OR3A2: variants seen among roughly 807,000 people sequenced by gnomAD.
The protein encoded by OR3A2 is olfactory receptor family 3 subfamily A member 2.
For synonymous variants in OR3A2, 126 were observed against 159.3 expected (o/e 0.79, Z 1.57); for missense variants, 318 against 392.8 (o/e 0.81, Z 1.61).
chr17:3,286,908 A>C (rs905876434), upstream of OR3A2, among the ~76,000 whole-genome samples: 7 of 152,200 alleles, frequency 4.6e-5, no homozygotes, highest in African/African-American at 1.7e-4. Context: ...TGCTGTGCAG[A>C]AGCTCTTTCA....
At chr17:3,326,556 T>G (rs547259599) in intron 3 of OR3A2, among the ~76,000 whole-genome samples, 2 of 145,438 alleles carry the variant, frequency 1.4e-5, no homozygotes, top group African/African-American at 5.4e-5. Context: ...TTTTTTTTCT[T>G]CTTTTTTTTA....
At chr17:3,331,490 C>G (rs1471120146) in intron 3 of OR3A2, among the ~76,000 whole-genome samples, 2 of 151,836 alleles carry the variant, frequency 1.3e-5, no homozygotes, top group Non-Finnish European at 2.9e-5. Context: ...GATACCCTTT[C>G]TTCCAGTTGA....
chr17:3,342,111 C>A (rs1277204568), intron 2 of OR3A2, among the ~76,000 whole-genome samples: 1 of 152,102 alleles, frequency 6.6e-6, no homozygotes, highest in Non-Finnish European at 1.5e-5. Flanking sequence ...GTTTTCAGCT[C>A]CATCAGGTCA....
At chr17:3,279,010 GC>G in intron 1 of OR3A2, 65 bp downstream of exon 4, 1 of 1,549,778 alleles carries the variant, frequency 6.5e-7, no homozygotes, top group Non-Finnish European at 8.7e-7. Context: ...TATGTTCAAA[GC>G]CCCGTGGCGA....
Position 3,357,863 on chromosome 17 carries a change from T to C in OR3A2, c.-178-21737A>G, listed in dbSNP as rs1042858512. 3.3e-5 allele frequency among the ~76,000 whole-genome samples: 4 copies of C among 122,318 alleles called. 1 individual carries two copies. Among genetic ancestry groups the C allele is most frequent in the African/African-American group, 1.2e-4 (4 of 34,000 alleles). 80.2% of individuals were successfully genotyped at this position (122,318 alleles called of 152,430 possible). The stretch of plus-strand genomic sequence containing the variant: ...GCTGCCACTGCTGGGAAAAATGGTG[T>C]ATTTTATGTTATGTATGTTTTACCA... On this transcript the variant is annotated intron_variant, in intron 2 of 4. Coordinates refer to the OR3A2 transcript ENST00000573491.
chr17:3,284,015 C>T (rs2048792565), intron 1 of OR3A2, among the ~76,000 whole-genome samples: 1 of 147,106 alleles, frequency 6.8e-6, no homozygotes, highest in South Asian at 2.2e-4. Flanking sequence ...CAGCTCCCTG[C>T]TCTGGAACTC....
intron 2 of OR3A2, among the ~76,000 whole-genome samples, chr17:3,338,213 C>G (rs1293148013): frequency 1.3e-5 from 2 of 152,240 alleles, no homozygotes; most frequent in Admixed American, 1.3e-4. Context: ...TTCTCCCATT[C>G]TGTAGGTTGC....
intron 3 of OR3A2, among the ~76,000 whole-genome samples, chr17:3,335,675 C>T (rs2049270821): frequency 6.6e-6 from 1 of 152,174 alleles, no homozygotes; most frequent in Non-Finnish European, 1.5e-5. Context: ...ACTTTACATA[C>T]ATTATCTCAT....
Position 3,361,280 on chromosome 17 carries a change from G to C in OR3A2, c.-179+22524C>G, listed in dbSNP as rs574943391. On this transcript the variant is annotated intron_variant, in intron 2 of 4. Transcript: ENST00000573491. Reference sequence around the variant, plus strand: ...CATTGATTTTGTATCCTGAGACTTTGCTGAAGTTGCTTATCAGCTTAAGGA... The same window carrying C: ...CATTGATTTTGTATCCTGAGACTTTCCTGAAGTTGCTTATCAGCTTAAGGA... Among the ~76,000 whole-genome samples, 2 of 151,278 alleles carry C rather than the reference G, an allele frequency of 1.3e-5. 1 individual carries two copies. Among genetic ancestry groups the C allele is most frequent in the African/African-American group, 4.9e-5 (2 of 40,642 alleles).
At chr17:3,385,731 C>T (rs2049771889) in intron 1 of OR3A2, among the ~76,000 whole-genome samples, 1 of 152,120 alleles carries the variant, frequency 6.6e-6, no homozygotes, top group Non-Finnish European at 1.5e-5. Flanking sequence ...TCTGAGATTC[C>T]GTTTCTTCAT....
At chr17:3,345,256 T>C (rs776498773) in intron 2 of OR3A2, among the ~76,000 whole-genome samples, 4 of 152,168 alleles carry the variant, frequency 2.6e-5, no homozygotes, top group Admixed American at 6.6e-5. Flanking sequence ...ATTCATCTAC[T>C]AATAGAGGTC....
chr17:3,278,506 G>T, exon 2 of OR3A2: 1 of 1,614,012 alleles, frequency 6.2e-7, no homozygotes, highest in Non-Finnish European at 8.5e-7. Flanking sequence ...TGACTCATGC[G>T]GGTGCTGTAG....
intron 3 of OR3A2, among the ~76,000 whole-genome samples, chr17:3,300,851 C>G (rs369519293): frequency 7.1e-6 from 1 of 140,396 alleles, no homozygotes; most frequent in Non-Finnish European, 1.5e-5. Context: ...CTCCCCCCAT[C>G]CCACGACAGG....
chr17:3,321,032 C>G (rs539975832), intron 3 of OR3A2, among the ~76,000 whole-genome samples: 36 of 152,142 alleles, frequency 2.4e-4, no homozygotes, highest in African/African-American at 6.5e-4. Flanking sequence ...GTTTCCATTT[C>G]TTTGTATCCT....
At chr17:3,365,318 C>T (rs1038187043) in intron 2 of OR3A2, among the ~76,000 whole-genome samples, 2 of 152,142 alleles carry the variant, frequency 1.3e-5, no homozygotes, top group Non-Finnish European at 2.9e-5. Context: ...ATAATCTGAT[C>T]TGGTGACCCA....
intron 2 of OR3A2, among the ~76,000 whole-genome samples, chr17:3,346,575 G>C (rs59704273): frequency 0.017 from 2,627 of 151,866 alleles, 81 homozygotes; most frequent in African/African-American, 0.059. Context: ...ATTTCAAAAT[G>C]TACAAACCAT....
chr17:3,286,684 G>A (rs1296282069), upstream of OR3A2, among the ~76,000 whole-genome samples: 7 of 152,098 alleles, frequency 4.6e-5, no homozygotes, highest in Non-Finnish European at 5.9e-5. Context: ...CAGTGATGAC[G>A]AGATTTTTTT....
At chr17:3,336,599 G>T (rs980110969) in intron 2 of OR3A2, among the ~76,000 whole-genome samples, 1 of 152,118 alleles carries the variant, frequency 6.6e-6, no homozygotes, top group African/African-American at 2.4e-5. Flanking sequence ...ATTATTAATT[G>T]AAAATCTACT....
rs1567556468 is a variant in OR3A2 at position 3,328,770 on chromosome 17, GT to G, written c.-85+7262del. Among the ~76,000 whole-genome samples the G allele has an allele frequency of 2.9e-4, 42 of 143,670 alleles. 1 individual carries two copies. Among genetic ancestry groups the G allele is most frequent in the African/African-American group, 1.1e-3 (40 of 36,824 alleles). The allele number at this position is 143,670 out of a possible 152,430, so 94.3% of individuals were successfully genotyped here. ...TTATTGAGAGTTTTTAGCATGAAGG[GT>G]TGTTGAATTTTGTCAAAGGCCTTTT... On this transcript the variant is annotated intron_variant, in intron 3 of 4. Transcript: ENST00000573491.
Sources: allele counts gnomAD v4.1 joint callset (sites outside exome capture counted in the v4.1 genomes callset), GRCh38; gene constraint gnomAD v4.1.1; transcripts MANE v1.5; gene names NCBI Gene and HGNC (gene_info 2026-07-23, HGNC 2026-07-21).